THSD7A: variants seen among roughly 807,000 people sequenced by gnomAD.
THSD7A encodes thrombospondin type-1 domain-containing protein 7A.
THSD7A carries 96 observed loss-of-function variants against 231.3 expected under a neutral mutation model. That is an observed-to-expected ratio of 0.41 (90% CI 0.35 to 0.49). THSD7A has a LOEUF of 0.49. THSD7A is among the 20% of genes least tolerant of loss of function. The pLI, the probability that THSD7A is intolerant of heterozygous loss-of-function variation, is 0.05. For synonymous variants in THSD7A, 940 were observed against 743.3 expected (o/e 1.26, Z -4.30); for missense variants, 2,290 against 2,070.2 (o/e 1.11, Z -2.06).
intron 1 of THSD7A, among the ~76,000 whole-genome samples, chr7:11,820,012 C>T (rs1351791281): frequency 2.0e-5 from 3 of 152,126 alleles, no homozygotes; most frequent in Admixed American, 6.5e-5. Context: ...ATCCAAGCAT[C>T]GCTCTCCCAC....
At chr7:11,570,247 C>G (rs763359365) in intron 4 of THSD7A, among the ~76,000 whole-genome samples, 1 of 152,028 alleles carries the variant, frequency 6.6e-6, no homozygotes, top group Non-Finnish European at 1.5e-5. Flanking sequence ...AAGCCAGGCA[C>G]AGAAGGACAA....
chr7:11,803,138 G>T (rs1472135408), intron 1 of THSD7A, among the ~76,000 whole-genome samples: 1 of 152,158 alleles, frequency 6.6e-6, no homozygotes, highest in Non-Finnish European at 1.5e-5. Flanking sequence ...AGAGGGTGAA[G>T]GTGGGACTTT....
chr7:11,389,295 A>C (rs1223100732), intron 23 of THSD7A, among the ~76,000 whole-genome samples: 2 of 151,768 alleles, frequency 1.3e-5, no homozygotes, highest in African/African-American at 2.4e-5. Context: ...GGGTGCATCT[A>C]TATTTAAGAC....
chr7:11,796,041 TATATATATATATATATA>T (rs1389953180), intron 1 of THSD7A, among the ~76,000 whole-genome samples: 1 of 32,438 alleles, frequency 3.1e-5, no homozygotes, highest in African/African-American at 1.5e-4. Flanking sequence ...GCCATATATA[TATATATATATATATATA>T]TATATATATA....
intron 2 of THSD7A, among the ~76,000 whole-genome samples, chr7:11,610,386 T>C (rs1024722569): frequency 2.6e-5 from 4 of 152,114 alleles, no homozygotes. Flanking sequence ...AAGCATGATG[T>C]AGATAACCAA....
At chr7:11,712,752 T>C (rs989781080) in intron 1 of THSD7A, among the ~76,000 whole-genome samples, 6 of 151,104 alleles carry the variant, frequency 4.0e-5, no homozygotes, top group Admixed American at 2.6e-4. Flanking sequence ...TAACAGTTGA[T>C]AAATTACATA....
In THSD7A at chr7:11,444,351, G is replaced by A. The variant is rs1169898495; in HGVS notation, c.3064+1710C>T. 3.9e-5 allele frequency among the ~76,000 whole-genome samples: 6 copies of A among 152,120 alleles called. No homozygotes were observed. The highest frequency in any genetic ancestry group is 1.3e-4 in the Admixed American group (2 of 15,258). Reference sequence around the variant, plus strand: ...TTCTACTATAAAGACACATGCACACGTATGTTTACTGTGGCACTGTTCACA... The same window carrying A: ...TTCTACTATAAAGACACATGCACACATATGTTTACTGTGGCACTGTTCACA... On this transcript the variant is annotated intron_variant, in intron 13 of 27. Transcript: ENST00000423059. The surrounding 1 kb of genome is among the most constrained non-coding windows in gnomAD (Gnocchi z 4.2).
chr7:11,769,757 T>C (rs987762991), intron 1 of THSD7A, among the ~76,000 whole-genome samples: 1 of 152,192 alleles, frequency 6.6e-6, no homozygotes, highest in South Asian at 2.1e-4. Context: ...GTTTGCATTT[T>C]CAGTTTTATT....
At chr7:11,662,614 A>G (rs150375160) in intron 1 of THSD7A, among the ~76,000 whole-genome samples, 59 of 151,598 alleles carry the variant, frequency 3.9e-4, no homozygotes, top group African/African-American at 1.2e-3. Context: ...CATAACGAAT[A>G]CCATTTCTTT....
At chr7:11,670,153 A>G (rs1460488243) in intron 1 of THSD7A, among the ~76,000 whole-genome samples, 2 of 152,212 alleles carry the variant, frequency 1.3e-5, no homozygotes, top group African/African-American at 4.8e-5. Flanking sequence ...CTTTGTGTCA[A>G]CATATGGCTG....
intron 13 of THSD7A, among the ~76,000 whole-genome samples, chr7:11,433,371 C>A (rs1354272030): frequency 6.6e-6 from 1 of 151,722 alleles, no homozygotes; most frequent in Non-Finnish European, 1.5e-5. Flanking sequence ...ATTTTAGGGC[C>A]AGTAATCACT....
chr7:11,471,400 G>A (rs901096804), intron 8 of THSD7A, among the ~76,000 whole-genome samples: 3 of 151,864 alleles, frequency 2.0e-5, no homozygotes, highest in East Asian at 1.9e-4. Flanking sequence ...AGTGAACTAC[G>A]AGTGAAAAAA....
At chr7:11,587,840 A>G (rs551165105) in intron 4 of THSD7A, among the ~76,000 whole-genome samples, 24 of 152,318 alleles carry the variant, frequency 1.6e-4, no homozygotes, top group Non-Finnish European at 2.8e-4. Flanking sequence ...CATAAATTTC[A>G]TATCACTTGC....
intron 7 of THSD7A, among the ~76,000 whole-genome samples, chr7:11,479,478 A>G (rs888928203): frequency 6.6e-6 from 1 of 152,236 alleles, no homozygotes; most frequent in African/African-American, 2.4e-5. Flanking sequence ...ACAGAAATTT[A>G]AGAACATTTA....
intron 1 of THSD7A, among the ~76,000 whole-genome samples, chr7:11,665,041 A>G (rs1446943161): frequency 1.3e-5 from 2 of 152,088 alleles, no homozygotes; most frequent in African/African-American, 4.8e-5. Flanking sequence ...CAGGTAACAC[A>G]GCATCAAAGG....
At chr7:11,721,009 G>A (rs1440458180) in intron 1 of THSD7A, among the ~76,000 whole-genome samples, 1 of 151,694 alleles carries the variant, frequency 6.6e-6, no homozygotes, top group African/African-American at 2.4e-5. Context: ...TTGTGCCTTT[G>A]ATTACGGTGC....
intron 6 of THSD7A, among the ~76,000 whole-genome samples, chr7:11,504,094 T>C (rs962562731): frequency 2.0e-5 from 3 of 151,882 alleles, no homozygotes; most frequent in Non-Finnish European, 4.4e-5. Context: ...ATAAAGAAAA[T>C]GTGATACATA....
chr7:11,559,341 C>T (rs1789982503), intron 4 of THSD7A, among the ~76,000 whole-genome samples: 1 of 152,148 alleles, frequency 6.6e-6, no homozygotes, highest in Non-Finnish European at 1.5e-5. Flanking sequence ...AAAACTAATA[C>T]ACACAGTTAT....
In THSD7A at chr7:11,634,398, A is replaced by G. The variant is rs1781760359; in HGVS notation, c.1022+1732T>C. On this transcript the variant is annotated intron_variant, in intron 2 of 27. Coordinates refer to ENST00000423059, the MANE Select transcript of THSD7A (RefSeq NM_015204.3). The surrounding 1 kb of genome is among the most constrained non-coding windows in gnomAD (Gnocchi z 4.1). ...CAACGTTAAATTAAATGTCTACAGC[A>G]TGCTAACCCAGTGATAGCAGGAAAC... Among the ~76,000 whole-genome samples, 1 of 152,180 alleles carries G rather than the reference A, an allele frequency of 6.6e-6. No homozygotes were observed. Among genetic ancestry groups the G allele is most frequent in the Non-Finnish European group, 1.5e-5 (1 of 68,032 alleles).
Sources: allele counts gnomAD v4.1 joint callset (sites outside exome capture counted in the v4.1 genomes callset), GRCh38; gene constraint gnomAD v4.1.1; non-coding constraint Gnocchi (gnomAD v3.1); transcripts MANE v1.5; gene names NCBI Gene and HGNC (gene_info 2026-07-23, HGNC 2026-07-21).